The following HSPA12A variants were observed in gnomAD, a reference collection of about 807,000 sequenced individuals.
HSPA12A encodes the protein heat shock protein family A (Hsp70) member 12A, also known as heat shock 70 kDa protein 12A.
HSPA12A carries 28 observed loss-of-function variants against 69.2 expected under a neutral mutation model. The ratio of observed to expected loss-of-function variants is 0.40; its 90% CI spans 0.30 to 0.55. HSPA12A has a LOEUF of 0.55. Among genes scored for constraint, HSPA12A ranks in the 20% least tolerant of loss-of-function variants. HSPA12A has a pLI of 0.38. For missense variants in HSPA12A, 686 were observed against 900.7 expected (o/e 0.76, Z 3.05); for synonymous variants, 345 against 370.5 (o/e 0.93, Z 0.79).
chr10:116,732,314 C>T (rs189674673), intron 1 of HSPA12A, among the ~76,000 whole-genome samples: 8 of 75,170 alleles, frequency 1.1e-4, no homozygotes, highest in South Asian at 7.9e-4. Context: ...TGGGTGACTC[C>T]GTCTCAAAAA....
At chr10:116,817,359 A>G (rs149537428) in intron 2 of HSPA12A, among the ~76,000 whole-genome samples, 125 of 152,234 alleles carry the variant, frequency 8.2e-4, no homozygotes, top group Admixed American at 1.0e-3. Flanking sequence ...TCCAGAGACA[A>G]TAGGGAACAA....
intron 2 of HSPA12A, chr10:116,831,476 A>C (rs948827365): frequency 1.3e-5 from 2 of 152,258 alleles, no homozygotes; most frequent in African/African-American, 4.8e-5. Flanking sequence ...AACCAGAGTG[A>C]GGGTTCAAGG....
chr10:116,683,715 A>G, intron 7 of HSPA12A, 76 bp downstream of exon 7: 1 of 1,369,422 alleles, frequency 7.3e-7, no homozygotes, highest in Non-Finnish European at 9.7e-7. Flanking sequence ...GTGCCTTTAA[A>G]ATCATCAGAG....
At chr10:116,717,933 T>A (rs1554883967) in intron 1 of HSPA12A, among the ~76,000 whole-genome samples, 1 of 152,124 alleles carries the variant, frequency 6.6e-6, no homozygotes, top group African/African-American at 2.4e-5. Flanking sequence ...TGGCCCCAGT[T>A]TGCCCCCCAA....
intron 1 of HSPA12A, among the ~76,000 whole-genome samples, 172 bp downstream of exon 1, chr10:116,742,258 C>T (rs904385196): frequency 6.6e-6 from 1 of 151,776 alleles, no homozygotes; most frequent in Non-Finnish European, 1.5e-5. Context: ...CACCGGACCC[C>T]GGCCCCCGGC....
At chr10:116,800,465 G>A (rs1564823878) in intron 2 of HSPA12A, among the ~76,000 whole-genome samples, 1 of 152,174 alleles carries the variant, frequency 6.6e-6, no homozygotes, top group Non-Finnish European at 1.5e-5. Flanking sequence ...GAGAGCAGGG[G>A]TCTCAGCTCT....
rs924683382 is a variant in HSPA12A at position 116,672,502 on chromosome 10, A to G, written c.*2279T>C. ...CGTTCAGTGTGTTTGGACCCTAGGCACCTCTGTCTATTGCTCGGTCTTGCG... is the reference window on the plus strand; with the variant it reads ...CGTTCAGTGTGTTTGGACCCTAGGCGCCTCTGTCTATTGCTCGGTCTTGCG... On this transcript the variant is annotated 3_prime_UTR_variant, in exon 12 of 12. Transcript: ENST00000369209. 6.6e-6 allele frequency: 1 copy of G among 152,284 alleles called. No homozygotes were observed. 9.4% of individuals were successfully genotyped at this position (152,284 alleles called of 1,614,324 possible). A position where few individuals can be genotyped will look rare whatever the true frequency, so the allele number is the denominator to read the frequency against.
chr10:116,822,283 T>TGGTAAG (rs1564831236), intron 2 of HSPA12A, among the ~76,000 whole-genome samples: 1 of 152,254 alleles, frequency 6.6e-6, no homozygotes, highest in Non-Finnish European at 1.5e-5. Flanking sequence ...GTCTTATGTC[T>TGGTAAG]GACCTTCCCT....
At chr10:116,841,891 C>A (rs1845807858) in intron 1 of HSPA12A, among the ~76,000 whole-genome samples, 1 of 151,546 alleles carries the variant, frequency 6.6e-6, no homozygotes. Flanking sequence ...GAAAACAACA[C>A]CATAATGACA....
At chr10:116,709,687 G>T (rs1233590810) in intron 1 of HSPA12A, among the ~76,000 whole-genome samples, 1 of 152,098 alleles carries the variant, frequency 6.6e-6, no homozygotes, top group Non-Finnish European at 1.5e-5. Context: ...GGTGACCAGG[G>T]GTAAGAGGAA....
intron 1 of HSPA12A, among the ~76,000 whole-genome samples, chr10:116,735,835 T>TAAA (rs67575935): frequency 7.3e-6 from 1 of 137,048 alleles, no homozygotes; most frequent in African/African-American, 2.7e-5. Context: ...TGTCCCTATT[T>TAAA]AAAAAAAAAA....
At chr10:116,705,086 C>G (rs1040476248) in intron 3 of HSPA12A, 65 bp downstream of exon 3, 1 of 1,593,220 alleles carries the variant, frequency 6.3e-7, no homozygotes, top group African/African-American at 1.3e-5. Flanking sequence ...TGGCTCATTG[C>G]CCGGAGTCTC....
intron 2 of HSPA12A, chr10:116,750,445 T>C (rs1851749225): frequency 3.4e-6 from 2 of 581,466 alleles, no homozygotes; most frequent in Admixed American, 4.7e-5. Context: ...GATTCCCTGG[T>C]TATGATTTTG....
intron 2 of HSPA12A, among the ~76,000 whole-genome samples, chr10:116,786,126 A>G (rs973236234): frequency 2.6e-5 from 4 of 152,212 alleles, no homozygotes; most frequent in Non-Finnish European, 5.9e-5. Context: ...GTAATTACGC[A>G]GGAGATGGAG....
At chr10:116,732,269 G>A (rs782194075) in intron 1 of HSPA12A, among the ~76,000 whole-genome samples, 2 of 148,490 alleles carry the variant, frequency 1.3e-5, no homozygotes, top group Admixed American at 1.4e-4. Context: ...GGCGGAGGCT[G>A]CAGTGAGCCA....
Position 116,686,460 on chromosome 10 carries a change from TCTC to T in HSPA12A, c.664-2501_664-2499del, listed in dbSNP as rs1849579092. On this transcript the variant is annotated intron_variant, in intron 6 of 11. Transcript: ENST00000369209. This position sits in a 1 kb window ranked among gnomAD's most constrained non-coding sequence, Gnocchi z 4.1. ...ACTGCCAGGCCTGTATGTATACAAT[TCTC>T]CTCCAAAGTTCAAACTTGAAAATAA... Among the ~76,000 whole-genome samples the T allele has an allele frequency of 6.6e-6, 1 of 152,118 alleles. No homozygotes were observed. Among genetic ancestry groups the T allele is most frequent in the Non-Finnish European group, 1.5e-5 (1 of 68,038 alleles).
rs557641753 is a variant in HSPA12A at position 116,714,354 on chromosome 10, A to G, written c.41-7069T>C. Among the ~76,000 whole-genome samples the G allele has an allele frequency of 6.6e-5, 10 of 152,060 alleles. No individual in the cohort carries two copies. In the South Asian group the frequency reaches 2.1e-3, roughly 32 times the overall value. On this transcript the variant is annotated intron_variant, in intron 1 of 11. Coordinates refer to ENST00000369209, the MANE Select transcript of HSPA12A (RefSeq NM_025015.3). Reference sequence around the variant, plus strand: ...CCCAGGTCTGCCTCTCTCCTCAGATACCCCTTTTGCCAGTAAAACCACCAC... The same window carrying G: ...CCCAGGTCTGCCTCTCTCCTCAGATGCCCCTTTTGCCAGTAAAACCACCAC...
At chr10:116,725,194 G>A (rs1031864467) in intron 1 of HSPA12A, among the ~76,000 whole-genome samples, 2 of 152,196 alleles carry the variant, frequency 1.3e-5, no homozygotes, top group South Asian at 2.1e-4. Flanking sequence ...GGGCCCAGGA[G>A]CTCCACTTGA....
At chr10:116,823,032 C>T (rs1296691233) in intron 2 of HSPA12A, among the ~76,000 whole-genome samples, 1 of 152,170 alleles carries the variant, frequency 6.6e-6, no homozygotes, top group Non-Finnish European at 1.5e-5. Context: ...CCCAACTCAC[C>T]TCTTCCACAA....
Sources: allele counts gnomAD v4.1 joint callset (sites outside exome capture counted in the v4.1 genomes callset), GRCh38; gene constraint gnomAD v4.1.1; non-coding constraint Gnocchi (gnomAD v3.1); transcripts MANE v1.5; gene names NCBI Gene and HGNC (gene_info 2026-07-23, HGNC 2026-07-21).